The following DNAH11 variants were observed in gnomAD, a reference collection of about 807,000 sequenced individuals.
The protein encoded by DNAH11 is dynein axonemal heavy chain 11, also known as axonemal beta dynein heavy chain 11.
In DNAH11, 442 loss-of-function variants were observed where a neutral mutation model predicts 526.0. That is an observed-to-expected ratio of 0.84 (90% CI 0.78 to 0.91). The LOEUF (loss-of-function observed/expected upper bound fraction) is 0.91, where lower values mean the gene tolerates loss of function less well. Ranked by LOEUF, DNAH11 falls within the 40% of genes least tolerant of loss-of-function variation. The probability of loss-of-function intolerance (pLI) is 0.00; values close to 1 mark genes in which losing one functional copy is unlikely to be tolerated. For missense variants in DNAH11, 6,989 were observed against 5,448.7 expected, an observed-to-expected ratio of 1.28 and a Z score of -8.90; for synonymous variants, 2,461 against 1,935.9, an observed-to-expected ratio of 1.27 and a Z score of -7.12.
intron 8 of DNAH11, among the ~76,000 whole-genome samples, chr7:21,575,293 A>C (rs983936375): frequency 6.6e-6 from 1 of 152,174 alleles, no homozygotes; most frequent in Non-Finnish European, 1.5e-5. Flanking sequence ...ATGGCCTGAG[A>C]TGGAGTGATC....
At chr7:21,690,732 C>A in intron 34 of DNAH11, 33 bp from the exon 35 acceptor site, 1 of 1,503,078 alleles carries the variant, frequency 6.7e-7, no homozygotes, top group Non-Finnish European at 9.2e-7. Flanking sequence ...TCAATGAACA[C>A]ATTTAATTTC....
chr7:21,630,996 A>G (rs1197683681), intron 25 of DNAH11, among the ~76,000 whole-genome samples: 1 of 152,176 alleles, frequency 6.6e-6, no homozygotes, highest in Non-Finnish European at 1.5e-5. Context: ...CCTGATAACG[A>G]CATACCCAGG....
intron 44 of DNAH11, among the ~76,000 whole-genome samples, chr7:21,722,970 C>T (rs922297176): frequency 6.6e-6 from 1 of 152,198 alleles, no homozygotes; most frequent in Non-Finnish European, 1.5e-5. Context: ...ATGTATCAGC[C>T]TTACCCCCTA....
intron 40 of DNAH11, among the ~76,000 whole-genome samples, chr7:21,709,665 G>A (rs1324181376): frequency 6.6e-6 from 1 of 152,148 alleles, no homozygotes; most frequent in African/African-American, 2.4e-5. Context: ...TCCTTTTTCT[G>A]TGGGACAGTT....
intron 8 of DNAH11, among the ~76,000 whole-genome samples, chr7:21,576,375 A>C (rs893882093): frequency 2.0e-5 from 3 of 152,216 alleles, no homozygotes; most frequent in Non-Finnish European, 2.9e-5. Flanking sequence ...AGTTGGTTTA[A>C]GGGACTGTTC....
At chr7:21,877,668 G>C (rs1281217151) in intron 74 of DNAH11, among the ~76,000 whole-genome samples, 1 of 151,948 alleles carries the variant, frequency 6.6e-6, no homozygotes, top group Non-Finnish European at 1.5e-5. Flanking sequence ...GAGGTCAGGA[G>C]ATTGAGATCA....
At chr7:21,561,401 A>G in intron 5 of DNAH11, 1 of 390,524 alleles carries the variant, frequency 2.6e-6, no homozygotes, top group Non-Finnish European at 4.5e-6. Flanking sequence ...CCAGATTGAA[A>G]TTTTAATTAG....
At chr7:21,860,244 C>T (rs1192297504) in intron 68 of DNAH11, among the ~76,000 whole-genome samples, 1 of 151,974 alleles carries the variant, frequency 6.6e-6, no homozygotes, top group Non-Finnish European at 1.5e-5. Flanking sequence ...CAACTCAAAA[C>T]CACAATGAGA....
chr7:21,834,696 A>G (rs994531208), intron 65 of DNAH11, among the ~76,000 whole-genome samples: 18 of 152,076 alleles, frequency 1.2e-4, no homozygotes, highest in African/African-American at 4.3e-4. Context: ...TATAAGATAA[A>G]TTAGCCAGGC....
intron 54 of DNAH11, 81 bp downstream of exon 54, chr7:21,750,445 T>C (rs1786365493): frequency 3.3e-6 from 5 of 1,507,736 alleles, no homozygotes; most frequent in Non-Finnish European, 4.5e-6. Flanking sequence ...TTTTTTATTA[T>C]GAGTTTGAAT....
At chr7:21,877,002 G>C (rs780613443) in intron 74 of DNAH11, among the ~76,000 whole-genome samples, 2 of 152,156 alleles carry the variant, frequency 1.3e-5, no homozygotes, top group Non-Finnish European at 2.9e-5. Context: ...ACATCTCCTT[G>C]TATTATTTGG....
rs966821349 is a variant in DNAH11 at position 21,803,602 on chromosome 7, A to C, written c.10165+2327A>C. Reference sequence around the variant, plus strand: ...AACTCCACCCCACACCTCCTGCCCAAAAAAAAAAAAAAGTCTGGAAAAGTG... The same window carrying C: ...AACTCCACCCCACACCTCCTGCCCACAAAAAAAAAAAAGTCTGGAAAAGTG... On this transcript the variant is annotated intron_variant, in intron 62 of 81. Coordinates refer to ENST00000409508, the MANE Select transcript of DNAH11 (RefSeq NM_001277115.2). Among the ~76,000 whole-genome samples the C allele has an allele frequency of 1.5e-4, 6 of 40,374 alleles. No homozygotes were observed. In the South Asian group the frequency reaches 2.8e-3, roughly 19 times the overall value. The allele number at this position is 40,374 out of a possible 152,430, so 26.5% of individuals were successfully genotyped here.
intron 3 of DNAH11, among the ~76,000 whole-genome samples, chr7:21,559,377 T>C (rs746143026): frequency 5.3e-5 from 8 of 152,294 alleles, no homozygotes; most frequent in Non-Finnish European, 1.0e-4. Context: ...TTTAGTAAAA[T>C]AGTTTTTGAG....
chr7:21,816,821 CTATT>C (rs1789817023), intron 64 of DNAH11, 119 bp downstream of exon 64: 5 of 810,696 alleles, frequency 6.2e-6, no homozygotes, highest in Non-Finnish European at 9.8e-6. Context: ...CAATTTGGTG[CTATT>C]TGTTTATCTG....
At chr7:21,639,229 CA>C (rs1189833120) in intron 28 of DNAH11, among the ~76,000 whole-genome samples, 164 bp downstream of exon 28, 1 of 152,110 alleles carries the variant, frequency 6.6e-6, no homozygotes, top group East Asian at 1.9e-4. Context: ...AGAGGCTGTG[CA>C]AAAGGGAGTA....
At chr7:21,711,635 AG>A in intron 41 of DNAH11, 76 bp from the exon 42 acceptor site, 2 of 1,540,584 alleles carry the variant, frequency 1.3e-6, no homozygotes. Context: ...TACTTCTGGT[AG>A]GGGAAAGTAC....
rs35946379 is a variant in DNAH11 at position 21,720,428 on chromosome 7, C to CT, written c.7135-285dup. On this transcript the variant is annotated intron_variant, in intron 43 of 81. Coordinates refer to ENST00000409508, the MANE Select transcript of DNAH11 (RefSeq NM_001277115.2). ...ATTTATAAAAAAGTGAATATGTACC[C>CT]TTTTTTTTTTTTGCTTATGTGTGAT... Among the ~76,000 whole-genome samples the CT allele has an allele frequency of 4.4e-3, 618 of 141,096 alleles. 3 individuals carry two copies. The highest frequency in any genetic ancestry group is 9.3e-3 in the African/African-American group (363 of 38,858). The allele number at this position is 141,096 out of a possible 152,430, so 92.6% of individuals were successfully genotyped here.
intron 69 of DNAH11, among the ~76,000 whole-genome samples, chr7:21,862,982 C>T (rs887267775): frequency 2.0e-5 from 3 of 149,096 alleles, no homozygotes; most frequent in Non-Finnish European, 3.0e-5. Context: ...GAGAATGGCA[C>T]GAACCCAGGA....
chr7:21,732,249 C>T (rs78046288), intron 45 of DNAH11, among the ~76,000 whole-genome samples: 2 of 152,322 alleles, frequency 1.3e-5, no homozygotes, highest in South Asian at 4.1e-4. Flanking sequence ...TAGCCACTTT[C>T]TCTCTGCATC....
Sources: gnomAD v4.1 joint callset for allele counts (sites outside exome capture counted in the v4.1 genomes callset) on GRCh38, gnomAD v4.1.1 for gene constraint, MANE v1.5 for transcripts, NCBI Gene and HGNC (gene_info 2026-07-23, HGNC 2026-07-21) for gene names.